SLC9A9: variants seen among roughly 807,000 people sequenced by gnomAD.
The protein encoded by SLC9A9 is solute carrier family 9 member A9, also known as sodium/hydrogen exchanger 9.
Under a neutral mutation model 77.8 loss-of-function variants are expected in SLC9A9, and 62 were observed. The observed-to-expected ratio is 0.80, with a 90% CI of 0.65 to 0.98. The LOEUF (loss-of-function observed/expected upper bound fraction) is 0.98, where lower values mean the gene tolerates loss of function less well. SLC9A9 is among the 50% of genes least tolerant of loss of function. The pLI is 0.00. For missense variants in SLC9A9, 775 were observed against 774.9 expected (o/e 1.00, Z 0.00); for synonymous variants, 320 against 283.5 (o/e 1.13, Z -1.29).
At chr3:143,625,776 A>C (rs1335286756) in intron 6 of SLC9A9, among the ~76,000 whole-genome samples, 1 of 152,242 alleles carries the variant, frequency 6.6e-6, no homozygotes, top group Non-Finnish European at 1.5e-5. Context: ...GGATCTAATT[A>C]AACTAAAGAG....
chr3:143,478,433 C>T (rs2035518665), intron 11 of SLC9A9, among the ~76,000 whole-genome samples: 1 of 152,140 alleles, frequency 6.6e-6, no homozygotes, highest in African/African-American at 2.4e-5. Flanking sequence ...GAAGGTGCTT[C>T]TGGAGCAGTC....
At chr3:143,517,192 T>C in intron 9 of SLC9A9, 1 of 1,411,882 alleles carries the variant, frequency 7.1e-7, no homozygotes, top group Non-Finnish European at 9.9e-7. Context: ...TCTGGTATTT[T>C]GACATACTTG....
chr3:143,781,435 A>C (rs2007880466), intron 4 of SLC9A9, among the ~76,000 whole-genome samples: 1 of 152,230 alleles, frequency 6.6e-6, no homozygotes, highest in African/African-American at 2.4e-5. Flanking sequence ...GTAAAGGCAC[A>C]ATAAATACAG....
intron 14 of SLC9A9, among the ~76,000 whole-genome samples, chr3:143,312,315 T>C (rs1193512024): frequency 6.6e-6 from 1 of 152,246 alleles, no homozygotes; most frequent in Non-Finnish European, 1.5e-5. Context: ...AATTGCAATG[T>C]CACAAAAGCA....
intron 8 of SLC9A9, among the ~76,000 whole-genome samples, chr3:143,561,171 A>C (rs1359613863): frequency 6.6e-6 from 1 of 152,194 alleles, no homozygotes; most frequent in Non-Finnish European, 1.5e-5. Context: ...ATAAGAGTGA[A>C]ACTCCATCTC....
chr3:143,269,787 C>G (rs1448983174), intron 14 of SLC9A9, among the ~76,000 whole-genome samples: 3 of 152,170 alleles, frequency 2.0e-5, no homozygotes, highest in Non-Finnish European at 4.4e-5. Context: ...ACTTCATCAA[C>G]TTTCCAAAAA....
chr3:143,673,609 A>G (rs915501893), intron 5 of SLC9A9, among the ~76,000 whole-genome samples: 3 of 151,990 alleles, frequency 2.0e-5, no homozygotes, highest in Non-Finnish European at 4.4e-5. Flanking sequence ...CAGCAAGACC[A>G]TACTTATTAA....
At chr3:143,808,924 A>G (rs1432190986) in intron 2 of SLC9A9, among the ~76,000 whole-genome samples, 1 of 152,220 alleles carries the variant, frequency 6.6e-6, no homozygotes. Flanking sequence ...AAATCATAGC[A>G]TTTGAAGAAA....
At chr3:143,312,947 C>T (rs1207921217) in intron 14 of SLC9A9, 1 of 152,224 alleles carries the variant, frequency 6.6e-6, no homozygotes, top group Non-Finnish European at 1.5e-5. Context: ...TTCAAATATC[C>T]TCCTTCAGGT....
intron 12 of SLC9A9, among the ~76,000 whole-genome samples, chr3:143,384,962 C>T (rs1217084041): frequency 3.3e-5 from 5 of 152,180 alleles, no homozygotes; most frequent in East Asian, 3.9e-4. Context: ...GAAAATCTGG[C>T]TAATATATGT....
At chr3:143,668,445 C>T (rs894972399) in intron 5 of SLC9A9, among the ~76,000 whole-genome samples, 1 of 151,846 alleles carries the variant, frequency 6.6e-6, no homozygotes, top group Admixed American at 6.6e-5. Context: ...CAATCCTGCA[C>T]GTTGTGCACA....
At chr3:143,443,764 A>G (rs1304490467) in intron 12 of SLC9A9, among the ~76,000 whole-genome samples, 1 of 152,192 alleles carries the variant, frequency 6.6e-6, no homozygotes, top group African/African-American at 2.4e-5. Flanking sequence ...TGTTCCCAAC[A>G]ATTCTTTAGA....
intron 8 of SLC9A9, among the ~76,000 whole-genome samples, chr3:143,572,633 T>A (rs2037284473): frequency 6.6e-6 from 1 of 152,208 alleles, no homozygotes; most frequent in African/African-American, 2.4e-5. Flanking sequence ...TAACAGAATT[T>A]GTATTGAAAT....
chr3:143,797,585 A>C (rs547188451), intron 2 of SLC9A9, among the ~76,000 whole-genome samples: 3 of 152,190 alleles, frequency 2.0e-5, no homozygotes, highest in Non-Finnish European at 4.4e-5. Context: ...ACCACAAAAG[A>C]AGTGAAAATG....
chr3:143,839,601 A>T (rs892860782), intron 1 of SLC9A9, among the ~76,000 whole-genome samples: 1 of 152,148 alleles, frequency 6.6e-6, no homozygotes, highest in South Asian at 2.1e-4. Context: ...CACAACACAC[A>T]TGCAAGCACA....
intron 4 of SLC9A9, among the ~76,000 whole-genome samples, chr3:143,715,140 C>G (rs902369935): frequency 5.3e-5 from 8 of 152,214 alleles, no homozygotes; most frequent in African/African-American, 1.7e-4. Context: ...GTAAATTGCC[C>G]AGTCTTGGCT....
chr3:143,556,089 A>G (rs2108642316), intron 8 of SLC9A9, among the ~76,000 whole-genome samples: 1 of 152,364 alleles, frequency 6.6e-6, no homozygotes, highest in South Asian at 2.1e-4. Flanking sequence ...TCCAACACAG[A>G]AACAAATTCA....
At chr3:143,285,945 T>A (rs16853340) in intron 14 of SLC9A9, among the ~76,000 whole-genome samples, 13,083 of 152,088 alleles carry the variant, frequency 0.086, 769 homozygotes, top group East Asian at 0.21. Flanking sequence ...ATGAGCCGGG[T>A]GTTTTGAGCA....
chr3:143,828,397 G>A (rs2009352190), intron 2 of SLC9A9, among the ~76,000 whole-genome samples: 1 of 152,048 alleles, frequency 6.6e-6, no homozygotes, highest in African/African-American at 2.4e-5. Context: ...GGGATACATT[G>A]GTCAGTAAAA....
Sources: gnomAD v4.1 joint callset for allele counts (sites outside exome capture counted in the v4.1 genomes callset) on GRCh38, gnomAD v4.1.1 for gene constraint, MANE v1.5 for transcripts, NCBI Gene and HGNC (gene_info 2026-07-23, HGNC 2026-07-21) for gene names.